TMEM87A: variants seen among roughly 807,000 people sequenced by gnomAD.
The protein encoded by TMEM87A is Golgi-pH regulating cation channel.
In TMEM87A, 50 loss-of-function variants were observed where a neutral mutation model predicts 90.0. The ratio of observed to expected loss-of-function variants is 0.56; its 90% CI spans 0.44 to 0.70. The LOEUF is 0.70. TMEM87A is among the 30% of genes least tolerant of loss of function. The pLI, the probability that TMEM87A is intolerant of heterozygous loss-of-function variation, is 0.00. For synonymous variants in TMEM87A, 226 were observed against 226.7 expected, an observed-to-expected ratio of 1.00 and a Z score of 0.03; for missense variants, 577 against 660.5, an observed-to-expected ratio of 0.87 and a Z score of 1.39.
chr15:42,264,481 T>A (rs1419538967), intron 3 of TMEM87A, among the ~76,000 whole-genome samples: 1 of 152,018 alleles, frequency 6.6e-6, no homozygotes, highest in Non-Finnish European at 1.5e-5. Context: ...GAGGGTTTTG[T>A]CACATTAAAA....
At position 42,261,009 on chromosome 15, in the gene TMEM87A, A is replaced by C. The variant is rs2051278526; in HGVS notation, c.460-7T>G. ...TTGTTCCATTCTCCTTAGCCTTTAA[A>C]CATTAAAAAAATAATAATAATTAAT... On this transcript the variant is annotated splice_polypyrimidine_tract_variant and splice_region_variant and intron_variant, in intron 5 of 19. Transcript: ENST00000389834. The C allele has an allele frequency of 6.8e-7, 1 of 1,463,012 alleles. No homozygotes were observed. The highest frequency in any genetic ancestry group is 2.2e-5 in the African/African-American group (1 of 46,390). 90.6% of individuals were successfully genotyped at this position (1,463,012 alleles called of 1,614,324 possible). A position where few individuals can be genotyped will look rare whatever the true frequency, so the allele number is the denominator to read the frequency against.
rs962202413 is a variant in TMEM87A at position 42,273,111 on chromosome 15, T to C, written c.144+144A>G. ...CGGCTTTCCACTCCAGGGAGGTGGG[T>C]CCCAGTTGGCTAGCCACACAGACCA... On this transcript the variant is annotated intron_variant, in intron 1 of 19. Coordinates refer to ENST00000389834, the MANE Select transcript of TMEM87A (RefSeq NM_015497.5). 42 of 1,017,258 alleles carry C rather than the reference T, an allele frequency of 4.1e-5. No homozygotes were observed. In the African/African-American group the frequency reaches 4.8e-4, roughly 12 times the overall value. The allele number at this position is 1,017,258 out of a possible 1,614,324, so 63.0% of individuals were successfully genotyped here. A position where few individuals can be genotyped will look rare whatever the true frequency, so the allele number is the denominator to read the frequency against.
chr15:42,243,269 AAAATAAATAAATAAAT>A (rs1204941803), intron 7 of TMEM87A, among the ~76,000 whole-genome samples: 29 of 117,610 alleles, frequency 2.5e-4, no homozygotes, highest in African/African-American at 7.5e-4. Context: ...TTCCATCTCA[AAAATAAATAAATAAAT>A]AAATAAATAA....
At chr15:42,267,125 T>G (rs901259955) in intron 3 of TMEM87A, among the ~76,000 whole-genome samples, 18 of 152,210 alleles carry the variant, frequency 1.2e-4, no homozygotes, top group African/African-American at 4.3e-4. Context: ...ACTGATGAGA[T>G]GAAGAGGGCA....
chr15:42,261,296 GAAGAA>G (rs1275259697), intron 4 of TMEM87A, 47 bp from the exon 5 acceptor site: 8 of 1,534,512 alleles, frequency 5.2e-6, no homozygotes, highest in East Asian at 4.5e-5. Context: ...GTAAATACTA[GAAGAA>G]AAGTGTAGCT....
intron 8 of TMEM87A, among the ~76,000 whole-genome samples, chr15:42,238,841 T>C (rs1366130864): frequency 6.7e-6 from 1 of 150,110 alleles, no homozygotes; most frequent in East Asian, 2.0e-4. Context: ...AAAAATGGCA[T>C]GATGATTAGG....
intron 6 of TMEM87A, among the ~76,000 whole-genome samples, chr15:42,256,834 C>T (rs1467268004): frequency 6.6e-6 from 1 of 152,200 alleles, no homozygotes; most frequent in Non-Finnish European, 1.5e-5. Context: ...CCTCCCACTT[C>T]AGTCTCCCAA....
chr15:42,273,530 G>A, upstream of TMEM87A: 2 of 1,441,004 alleles, frequency 1.4e-6, no homozygotes, highest in Non-Finnish European at 1.8e-6. Flanking sequence ...GCTGTGCGGC[G>A]TAGCGGCCCC....
At chr15:42,255,954 A>G (rs565365761) in intron 6 of TMEM87A, among the ~76,000 whole-genome samples, 2 of 80,742 alleles carry the variant, frequency 2.5e-5, no homozygotes, top group Non-Finnish European at 5.2e-5. Context: ...TTTTTTTTGT[A>G]TTTTTAGTAG....
chr15:42,258,881 A>C, intron 6 of TMEM87A: 1 of 1,516,608 alleles, frequency 6.6e-7, no homozygotes, highest in Non-Finnish European at 8.9e-7. Flanking sequence ...TCATCCATAA[A>C]AGCAACGAAA....
intron 6 of TMEM87A, among the ~76,000 whole-genome samples, chr15:42,255,747 C>A (rs1005808885): frequency 6.6e-6 from 1 of 151,656 alleles, no homozygotes; most frequent in African/African-American, 2.4e-5. Flanking sequence ...ATGCAGAGGA[C>A]CTTTCTTCCA....
chr15:42,257,909 G>A (rs2051213414), intron 6 of TMEM87A: 2 of 983,740 alleles, frequency 2.0e-6, no homozygotes, highest in Non-Finnish European at 2.4e-6. Flanking sequence ...TGTGCTCTGT[G>A]TAATCACACC....
chr15:42,233,099 A>G, intron 11 of TMEM87A, 114 bp downstream of exon 11: 1 of 821,604 alleles, frequency 1.2e-6, no homozygotes, highest in East Asian at 2.5e-5. Flanking sequence ...ATCAGAGCCC[A>G]AAAGTGACTT....
At chr15:42,264,699 A>ATATATTTTTTTTTT (rs10681614) in intron 3 of TMEM87A, among the ~76,000 whole-genome samples, 3,664 of 109,242 alleles carry the variant, frequency 0.034, 97 homozygotes, top group Non-Finnish European at 0.042. Context: ...ATATATATAT[A>ATATATTTTTTTTTT]TTTTTTTTTT....
chr15:42,272,169 A>G (rs1219866347), intron 1 of TMEM87A, 46 bp from the exon 2 acceptor site: 2 of 1,401,830 alleles, frequency 1.4e-6, no homozygotes, highest in Non-Finnish European at 2.0e-6. Flanking sequence ...GGCTTCAATT[A>G]CCAAAGCATC....
chr15:42,215,053 G>C (rs76115081), intron 19 of TMEM87A, among the ~76,000 whole-genome samples: 1 of 152,158 alleles, frequency 6.6e-6, no homozygotes, highest in East Asian at 1.9e-4. Flanking sequence ...ATGTTATATA[G>C]CCTACTACAT....
At chr15:42,219,933 C>T (rs1312075553) in intron 16 of TMEM87A, 129 bp downstream of exon 16, 2 of 838,098 alleles carry the variant, frequency 2.4e-6, no homozygotes, top group African/African-American at 3.5e-5. Flanking sequence ...AAGATTCACA[C>T]CCTTATTTTC....
chr15:42,266,447 C>G (rs1255238577), intron 3 of TMEM87A, among the ~76,000 whole-genome samples: 2 of 150,558 alleles, frequency 1.3e-5, no homozygotes, highest in Non-Finnish European at 2.9e-5. Context: ...ACCCAGGAGG[C>G]AGAGGTTGTG....
chr15:42,253,981 C>T (rs1387769305), intron 6 of TMEM87A, among the ~76,000 whole-genome samples: 4 of 152,060 alleles, frequency 2.6e-5, no homozygotes, highest in Non-Finnish European at 4.4e-5. Context: ...ACATCTGACC[C>T]GAGAGCCTGG....
Sources: gnomAD v4.1 joint callset for allele counts (sites outside exome capture counted in the v4.1 genomes callset) on GRCh38, gnomAD v4.1.1 for gene constraint, MANE v1.5 for transcripts, NCBI Gene and HGNC (gene_info 2026-07-23, HGNC 2026-07-21) for gene names.